ZNF664: variants seen among roughly 807,000 people sequenced by gnomAD.
The protein encoded by ZNF664 is zinc finger protein 664.
In ZNF664, 10 loss-of-function variants were observed where a neutral mutation model predicts 18.2. The ratio of observed to expected loss-of-function variants is 0.55; its 90% CI spans 0.34 to 0.93. The LOEUF is 0.93. Ranked by LOEUF, ZNF664 falls within the 40% of genes least tolerant of loss-of-function variation. The probability of loss-of-function intolerance (pLI) is 0.02; values close to 1 mark genes in which losing one functional copy is unlikely to be tolerated. For missense variants in ZNF664, 193 were observed against 319.0 expected, an observed-to-expected ratio of 0.61 and a Z score of 3.01; for synonymous variants, 119 against 104.2, an observed-to-expected ratio of 1.14 and a Z score of -0.86.
At chr12:123,987,393 A>G (rs531676476) in intron 2 of ZNF664, among the ~76,000 whole-genome samples, 19 of 152,348 alleles carry the variant, frequency 1.2e-4, no homozygotes, top group African/African-American at 4.6e-4. Context: ...GCGGGGAGGT[A>G]GTAGATGGAA....
Position 124,012,964 on chromosome 12 carries a change from C to G in ZNF664, c.*34C>G. On this transcript the variant is annotated 3_prime_UTR_variant, in exon 5 of 5. Transcript: ENST00000337815. ...GCTAAGAGTTTAAAATCTTAAAACCCATAAGTGCCACTAGGAAGGAAACCC... is the reference window on the plus strand; with the variant it reads ...GCTAAGAGTTTAAAATCTTAAAACCGATAAGTGCCACTAGGAAGGAAACCC... The G allele has an allele frequency of 2.5e-6, 4 of 1,595,784 alleles. No homozygotes were observed. Among genetic ancestry groups the G allele is most frequent in the Non-Finnish European group, 3.4e-6 (4 of 1,172,708 alleles).
In ZNF664 at chr12:124,011,941, A is replaced by G. The variant is rs1434966591; in HGVS notation, c.-204A>G. The G allele has an allele frequency of 7.1e-7, 1 of 1,399,538 alleles. No individual in the cohort carries two copies. Among genetic ancestry groups the G allele is most frequent in the East Asian group, 2.7e-5 (1 of 37,718 alleles). 86.7% of individuals were successfully genotyped at this position (1,399,538 alleles called of 1,614,324 possible). A position where few individuals can be genotyped will look rare whatever the true frequency, so the allele number is the denominator to read the frequency against. On this transcript the variant is annotated 5_prime_UTR_variant, in exon 5 of 5. Transcript: ENST00000337815. ...CACTTTATAATCGATAATAATACTG[A>G]GTGAGGAACACTATGCAGGAAGAAA... is the stretch of plus-strand genomic sequence containing the variant.
intron 3 of ZNF664, among the ~76,000 whole-genome samples, chr12:123,994,220 A>G (rs1359238815): frequency 6.6e-6 from 1 of 152,206 alleles, no homozygotes; most frequent in African/African-American, 2.4e-5. Flanking sequence ...CTTCAAAAAA[A>G]GTGGGTTTAA....
chr12:124,003,971 G>A (rs750401230), intron 3 of ZNF664, among the ~76,000 whole-genome samples: 10 of 152,192 alleles, frequency 6.6e-5, no homozygotes, highest in Non-Finnish European at 5.9e-5. Context: ...AATAAGGTGC[G>A]GTGTCACTGA....
chr12:124,004,752 G>A (rs1350323724), intron 3 of ZNF664: 1 of 152,256 alleles, frequency 6.6e-6, no homozygotes, highest in East Asian at 1.9e-4. Flanking sequence ...TCAGATCAGC[G>A]GCGGCATTAG....
At chr12:123,973,783 T>C in intron 1 of ZNF664, 103 bp from the exon 2 acceptor site, 13 of 1,214,492 alleles carry the variant, frequency 1.1e-5, no homozygotes, top group Non-Finnish European at 1.2e-5. Context: ...CTTGGAGCCC[T>C]TCCAGGCGGG....
At chr12:123,973,793 G>A in intron 1 of ZNF664, 93 bp from the exon 2 acceptor site, 2 of 1,207,300 alleles carry the variant, frequency 1.7e-6, no homozygotes, top group South Asian at 4.3e-5. Context: ...TTCCAGGCGG[G>A]TCCCGGGAGA....
At chr12:123,983,486 A>G (rs940617516) in intron 2 of ZNF664, among the ~76,000 whole-genome samples, 17 of 152,212 alleles carry the variant, frequency 1.1e-4, no homozygotes, top group Non-Finnish European at 2.2e-4. Flanking sequence ...TAAAATAATC[A>G]TAGGTTATTT....
intron 3 of ZNF664, among the ~76,000 whole-genome samples, chr12:124,003,116 A>T (rs1047753615): frequency 6.6e-6 from 1 of 152,236 alleles, no homozygotes; most frequent in African/African-American, 2.4e-5. Context: ...ACCCGCCTGC[A>T]GGGGTGGGGC....
chr12:123,973,733 A>G (rs1956633574), intron 1 of ZNF664, 153 bp from the exon 2 acceptor site: 7 of 1,143,062 alleles, frequency 6.1e-6, no homozygotes, highest in Non-Finnish European at 7.6e-6. Context: ...AGCCGAGGGA[A>G]GGGGGAGCGC....
At chr12:123,974,997 T>C (rs910784828) in intron 2 of ZNF664, among the ~76,000 whole-genome samples, 1 of 152,202 alleles carries the variant, frequency 6.6e-6, no homozygotes, top group Non-Finnish European at 1.5e-5. Context: ...GTTAAGAAAT[T>C]GATATGTGGA....
intron 3 of ZNF664, among the ~76,000 whole-genome samples, chr12:123,990,243 G>A (rs1449188959): frequency 6.6e-6 from 1 of 152,154 alleles, no homozygotes; most frequent in Admixed American, 6.5e-5. Flanking sequence ...ACTGAACTGT[G>A]CACTTAAAAT....
chr12:123,978,395 G>T (rs536895798), intron 2 of ZNF664, among the ~76,000 whole-genome samples: 2 of 152,136 alleles, frequency 1.3e-5, no homozygotes, highest in Non-Finnish European at 2.9e-5. Context: ...ACTAATTACC[G>T]TATAGAAAAG....
chr12:124,010,426 AT>A (rs376952359), intron 3 of ZNF664, among the ~76,000 whole-genome samples: 77 of 152,282 alleles, frequency 5.1e-4, no homozygotes, highest in African/African-American at 1.8e-3. Flanking sequence ...ACCTTAAAAG[AT>A]TTCAGAGTGA....
At chr12:123,990,015 A>T (rs898937004) in intron 3 of ZNF664, among the ~76,000 whole-genome samples, 1 of 152,222 alleles carries the variant, frequency 6.6e-6, no homozygotes, top group South Asian at 2.1e-4. Context: ...TTTGCCAGAC[A>T]ATACATGTTA....
At position 123,997,973 on chromosome 12, in the gene ZNF664, C is replaced by G. The variant is rs113185358; in HGVS notation, c.-661+9835C>G. On this transcript the variant is annotated intron_variant, in intron 3 of 4. Coordinates refer to ENST00000337815, the MANE Select transcript of ZNF664 (RefSeq NM_152437.3). The stretch of plus-strand genomic sequence containing the variant: ...TGTTAAGTGAAGTGAGGACTTCAAA[C>G]GAAATCATACAGTTTTGGGAAACTG... 2.6e-5 allele frequency: 4 copies of G among 152,050 alleles called. No homozygotes were observed. In the South Asian group the frequency reaches 8.3e-4, roughly 32 times the overall value. 9.4% of individuals were successfully genotyped at this position (152,050 alleles called of 1,614,324 possible).
intron 3 of ZNF664, 28 bp downstream of exon 3, chr12:123,988,166 G>T (rs1016619388): frequency 3.2e-6 from 4 of 1,230,932 alleles, no homozygotes; most frequent in Non-Finnish European, 4.1e-6. Flanking sequence ...TTCACCATTT[G>T]TCCTAGATGG....
At chr12:123,990,026 C>A (rs537132916) in intron 3 of ZNF664, among the ~76,000 whole-genome samples, 1 of 152,256 alleles carries the variant, frequency 6.6e-6, no homozygotes, top group African/African-American at 2.4e-5. Context: ...ATACATGTTA[C>A]GAATTGTGAC....
chr12:123,997,984 A>G (rs1956969780), intron 3 of ZNF664: 1 of 152,182 alleles, frequency 6.6e-6, no homozygotes, highest in South Asian at 2.1e-4. Context: ...GAAATCATAC[A>G]GTTTTGGGAA....
Sources: allele counts gnomAD v4.1 joint callset (sites outside exome capture counted in the v4.1 genomes callset), GRCh38; gene constraint gnomAD v4.1.1; transcripts MANE v1.5; gene names NCBI Gene and HGNC (gene_info 2026-07-23, HGNC 2026-07-21).